The following EEFSEC variants were observed in gnomAD, a reference collection of about 807,000 sequenced individuals.
EEFSEC encodes selenocysteine-specific elongation factor.
EEFSEC carries 43 observed loss-of-function variants against 42.1 expected under a neutral mutation model. The observed-to-expected ratio is 1.02, with a 90% CI of 0.80 to 1.32. The LOEUF (loss-of-function observed/expected upper bound fraction) is 1.32, where lower values mean the gene tolerates loss of function less well. Ranked by LOEUF, EEFSEC falls within the 40% of genes most tolerant of loss-of-function variation. The probability of loss-of-function intolerance (pLI) is 0.00; values close to 1 mark genes in which losing one functional copy is unlikely to be tolerated. For missense variants in EEFSEC, 745 were observed against 803.6 expected, an observed-to-expected ratio of 0.93 and a Z score of 0.88; for synonymous variants, 354 against 339.1, an observed-to-expected ratio of 1.04 and a Z score of -0.48.
intron 1 of EEFSEC, among the ~76,000 whole-genome samples, chr3:128,214,615 A>G (rs917552745): frequency 6.6e-6 from 1 of 152,236 alleles, no homozygotes; most frequent in East Asian, 1.9e-4. Context: ...TTTTGTCTCA[A>G]TGAGGCAGAA....
intron 1 of EEFSEC, among the ~76,000 whole-genome samples, chr3:128,233,431 C>G (rs948163550): frequency 6.6e-6 from 1 of 152,056 alleles, no homozygotes; most frequent in Non-Finnish European, 1.5e-5. Flanking sequence ...GATGGAGAAC[C>G]CTGGCTTAAT....
chr3:128,418,637 A>ACCCCAACTCTGCCCAGCACC, the EEFSEC span, among the ~76,000 whole-genome samples: 3 of 133,566 alleles, frequency 2.2e-5, no homozygotes, highest in African/African-American at 8.5e-5. Context: ...CTCTGCTCAC[A>ACCCCAACTCTGCCCAGCACC]CCCCAACTCT....
intron 1 of EEFSEC, among the ~76,000 whole-genome samples, chr3:128,172,298 C>T (rs765093288): frequency 6.6e-5 from 10 of 152,258 alleles, no homozygotes; most frequent in South Asian, 6.2e-4. Flanking sequence ...ATGGTCAGGC[C>T]GAAGGAACCC....
chr3:128,400,570 G>A (rs1286665509), intron 6 of EEFSEC, among the ~76,000 whole-genome samples: 2 of 152,236 alleles, frequency 1.3e-5, no homozygotes, highest in Non-Finnish European at 2.9e-5. Context: ...GCAGTGGGTA[G>A]TGCTGGAGTG....
intron 1 of EEFSEC, among the ~76,000 whole-genome samples, chr3:128,189,328 A>T (rs1440622471): frequency 2.6e-5 from 4 of 152,204 alleles, no homozygotes; most frequent in Admixed American, 2.6e-4. Flanking sequence ...CCATAAGATT[A>T]TAGTGGGGCC....
chr3:128,359,874 C>T (rs1400805927), intron 6 of EEFSEC, among the ~76,000 whole-genome samples: 1 of 152,150 alleles, frequency 6.6e-6, no homozygotes, highest in Non-Finnish European at 1.5e-5. Flanking sequence ...AAAACAGAGA[C>T]CCCAGCTGCC....
chr3:128,295,932 G>A (rs936361893), intron 4 of EEFSEC, among the ~76,000 whole-genome samples: 2 of 152,210 alleles, frequency 1.3e-5, no homozygotes, highest in Non-Finnish European at 2.9e-5. Flanking sequence ...GTGATGTGGT[G>A]GGTTTGGTCC....
In EEFSEC at chr3:128,153,693, G is replaced by C; in HGVS notation, c.186G>C (p.Ala62=). ...GFSCFSVPLP[A]RLRSSLPEFQ... ...CGTGCTTCTCGGTGCCGCTGCCCGC[G>C]CGCCTGCGGTCGTCTTTGCCCGAGT... Residue 62 remains alanine, a synonymous_variant, in exon 1 of 7, where the codon GCG becomes GCC. Coordinates refer to ENST00000254730, the MANE Select transcript of EEFSEC (RefSeq NM_021937.5). 1.3e-6 allele frequency: 2 copies of C among 1,589,978 alleles called. No individual in the cohort carries two copies. Among genetic ancestry groups the C allele is most frequent in the Non-Finnish European group, 1.7e-6 (2 of 1,175,898 alleles).
At chr3:128,375,652 C>G (rs536610337) in intron 6 of EEFSEC, among the ~76,000 whole-genome samples, 1 of 152,296 alleles carries the variant, frequency 6.6e-6, no homozygotes, top group East Asian at 1.9e-4. Flanking sequence ...GCTCCCTGTC[C>G]TTCTCAAACG....
At chr3:128,172,639 G>A (rs2065310717) in intron 1 of EEFSEC, among the ~76,000 whole-genome samples, 1 of 152,140 alleles carries the variant, frequency 6.6e-6, no homozygotes, top group Non-Finnish European at 1.5e-5. Flanking sequence ...GACCCCTGAC[G>A]AATTATAAGC....
At chr3:128,240,010 C>T (rs568968622) in intron 1 of EEFSEC, among the ~76,000 whole-genome samples, 129 of 152,330 alleles carry the variant, frequency 8.5e-4, no homozygotes, top group Admixed American at 2.4e-3. Context: ...GAATGTTTGG[C>T]TTCAGTGAGA....
At position 128,161,714 on chromosome 3, in the gene EEFSEC, A is replaced by T. The variant is rs557504249; in HGVS notation, c.316+7891A>T. On this transcript the variant is annotated intron_variant, in intron 1 of 6. Coordinates refer to ENST00000254730, the MANE Select transcript of EEFSEC (RefSeq NM_021937.5). ...CCAGCCTTCTGTGTTCTTGGCGCCCATGTGGAGAAGGCTCTTCCCCTTTCA... is the reference window on the plus strand; with the variant it reads ...CCAGCCTTCTGTGTTCTTGGCGCCCTTGTGGAGAAGGCTCTTCCCCTTTCA... Among the ~76,000 whole-genome samples, 4 of 152,286 alleles carry T rather than the reference A, an allele frequency of 2.6e-5. No individual in the cohort carries two copies. In the South Asian group the frequency reaches 8.3e-4, roughly 32 times the overall value.
chr3:128,381,304 A>G (rs2067773338), intron 6 of EEFSEC, among the ~76,000 whole-genome samples: 2 of 152,316 alleles, frequency 1.3e-5, no homozygotes, highest in Admixed American at 1.3e-4. Flanking sequence ...GTGGAGATGA[A>G]TGGGTTGGGC....
At chr3:128,245,316 C>T (rs1325750781) in intron 1 of EEFSEC, among the ~76,000 whole-genome samples, 1 of 152,156 alleles carries the variant, frequency 6.6e-6, no homozygotes, top group Non-Finnish European at 1.5e-5. Context: ...TCAGATGAGT[C>T]GAGCCTGTTT....
chr3:128,317,819 G>A lies in EEFSEC; in HGVS notation c.787-23414G>A, dbSNP rs1426507369. ...TTCAGCCTTCTGCTCCAGCTGCTCC[G>A]TCCATCCACAGGCCTGGCACAGATG... On this transcript the variant is annotated intron_variant, in intron 4 of 6. Transcript: ENST00000254730. The surrounding 1 kb of genome is among the most constrained non-coding windows in gnomAD (Gnocchi z 4.1). Among the ~76,000 whole-genome samples, 3 of 152,238 alleles carry A rather than the reference G, an allele frequency of 2.0e-5. No individual in the cohort carries two copies. Among genetic ancestry groups the A allele is most frequent in the African/African-American group, 4.8e-5 (2 of 41,460 alleles).
chr3:128,186,542 T>G (rs1203883899), intron 1 of EEFSEC, among the ~76,000 whole-genome samples: 2 of 152,210 alleles, frequency 1.3e-5, no homozygotes, highest in African/African-American at 4.8e-5. Flanking sequence ...CTTCTCAGTT[T>G]TATAGTTTTA....
At chr3:128,373,286 G>A (rs996976715) in intron 6 of EEFSEC, among the ~76,000 whole-genome samples, 2 of 152,252 alleles carry the variant, frequency 1.3e-5, no homozygotes, top group Admixed American at 1.3e-4. Flanking sequence ...GCAGGGACGA[G>A]TGAGAGAACC....
At chr3:128,233,322 T>C (rs2065977300) in intron 1 of EEFSEC, among the ~76,000 whole-genome samples, 2 of 152,276 alleles carry the variant, frequency 1.3e-5, no homozygotes, top group South Asian at 4.1e-4. Context: ...ATAAGTGCAT[T>C]TGAATTTTAA....
chr3:128,342,778 G>A (rs2067270190), intron 5 of EEFSEC, among the ~76,000 whole-genome samples: 1 of 152,228 alleles, frequency 6.6e-6, no homozygotes, highest in Non-Finnish European at 1.5e-5. Flanking sequence ...CCTGCCACTA[G>A]GGTGGACAGA....
Sources: allele counts gnomAD v4.1 joint callset (sites outside exome capture counted in the v4.1 genomes callset), GRCh38; gene constraint gnomAD v4.1.1; non-coding constraint Gnocchi (gnomAD v3.1); transcripts MANE v1.5; gene names NCBI Gene and HGNC (gene_info 2026-07-23, HGNC 2026-07-21).